Variants in ATG10 observed in about 807,000 individuals in gnomAD.
ATG10 encodes the protein ubiquitin-like-conjugating enzyme ATG10.
In ATG10, 30 loss-of-function variants were observed where a neutral mutation model predicts 32.1. The ratio of observed to expected loss-of-function variants is 0.94; its 90% CI spans 0.70 to 1.27. The LOEUF is 1.27. Among genes scored for constraint, ATG10 ranks in the 50% most tolerant of loss-of-function variants. ATG10 has a pLI of 0.00. For missense variants in ATG10, 233 were observed against 262.3 expected (o/e 0.89, Z 0.77); for synonymous variants, 87 against 91.5 (o/e 0.95, Z 0.28).
At chr5:82,127,590 G>T (rs188335332) in intron 3 of ATG10, among the ~76,000 whole-genome samples, 1 of 152,074 alleles carries the variant, frequency 6.6e-6, no homozygotes, top group Admixed American at 6.6e-5. Flanking sequence ...GCAGTTGTGC[G>T]GTTTTGAGTG....
chr5:82,222,960 C>G (rs1745986421), intron 5 of ATG10, among the ~76,000 whole-genome samples: 1 of 152,190 alleles, frequency 6.6e-6, no homozygotes, highest in South Asian at 2.1e-4. Context: ...TTGGTTTTAA[C>G]AAGGCATTTA....
intron 3 of ATG10, among the ~76,000 whole-genome samples, chr5:82,154,497 A>G (rs1006014025): frequency 2.6e-5 from 4 of 152,220 alleles, no homozygotes; most frequent in African/African-American, 9.7e-5. Context: ...TAACAAGTGA[A>G]GAAACTGAGG....
intron 2 of ATG10, among the ~76,000 whole-genome samples, chr5:81,992,953 T>A (rs1283777231): frequency 1.3e-5 from 2 of 152,200 alleles, no homozygotes; most frequent in Non-Finnish European, 2.9e-5. Flanking sequence ...GAGGGTGGAA[T>A]GCTCTTGACA....
chr5:82,135,524 T>C (rs1231697642), intron 3 of ATG10, among the ~76,000 whole-genome samples: 1 of 152,218 alleles, frequency 6.6e-6, no homozygotes, highest in Non-Finnish European at 1.5e-5. Context: ...ATTTTGCATG[T>C]AGTTGTGTGG....
intron 1 of ATG10, among the ~76,000 whole-genome samples, chr5:81,976,873 A>G (rs1359634324): frequency 2.6e-5 from 4 of 152,036 alleles, no homozygotes; most frequent in Non-Finnish European, 5.9e-5. Flanking sequence ...TTAAATAAAC[A>G]TTTTCTTGTT....
intron 3 of ATG10, among the ~76,000 whole-genome samples, chr5:82,068,576 A>G (rs1206685925): frequency 6.6e-6 from 1 of 151,530 alleles, no homozygotes; most frequent in Non-Finnish European, 1.5e-5. Context: ...TCTGAAAAAA[A>G]AAAAGACACT....
At chr5:82,196,935 G>A (rs998070750) in intron 5 of ATG10, among the ~76,000 whole-genome samples, 7 of 152,290 alleles carry the variant, frequency 4.6e-5, no homozygotes, top group Admixed American at 2.6e-4. Flanking sequence ...GAAAATGTCA[G>A]TTGGAATTTT....
chr5:82,166,481 A>G (rs964984734), intron 4 of ATG10, among the ~76,000 whole-genome samples: 2 of 152,206 alleles, frequency 1.3e-5, no homozygotes, highest in Admixed American at 6.5e-5. Flanking sequence ...TGGTGGAGAA[A>G]CATGAAGAAT....
chr5:82,043,092 A>G (rs1215097744), intron 2 of ATG10, among the ~76,000 whole-genome samples: 2 of 152,234 alleles, frequency 1.3e-5, no homozygotes. Context: ...CCACCCCTGC[A>G]GCAGACTTCT....
rs71605823 is a variant in ATG10, at chr5:82,118,387, C to CATATATATATATATAT, written c.217-46009_217-45994dup. On this transcript the variant is annotated intron_variant, in intron 3 of 7. Coordinates refer to ENST00000282185, the MANE Select transcript of ATG10 (RefSeq NM_031482.5). ...TACAAATATACATATAATATATGTA[C>CATATATATATATATAT]ATATATATATATATATATGTATGTA... is the stretch of plus-strand genomic sequence containing the variant. 2.2e-3 allele frequency among the ~76,000 whole-genome samples: 177 copies of CATATATATATATATAT among 80,706 alleles called. 12 individuals are homozygous for CATATATATATATATAT. Among genetic ancestry groups the CATATATATATATATAT allele is most frequent in the Middle Eastern group, 0.013 (2 of 150 alleles). The allele number at this position is 80,706 out of a possible 152,430, so 52.9% of individuals were successfully genotyped here.
rs1554039310 is a variant in ATG10, at chr5:81,993,336, C to CTTCCTTCTTTCTTTCT, written c.108+5661_108+5662insCTTCTTTCTTTCTTTC. Among the ~76,000 whole-genome samples, 101 of 77,704 alleles carry CTTCCTTCTTTCTTTCT rather than the reference C, an allele frequency of 1.3e-3. 1 individual carries two copies. The highest frequency in any genetic ancestry group is 6.1e-3 in the African/African-American group (95 of 15,638). The allele number at this position is 77,704 out of a possible 152,430, so 51.0% of individuals were successfully genotyped here. On this transcript the variant is annotated intron_variant, in intron 2 of 7. Coordinates refer to ENST00000282185, the MANE Select transcript of ATG10 (RefSeq NM_031482.5). ...CTTTCTTTCTTTCTTTCCTTCCTTC[C>CTTCCTTCTTTCTTTCT]TTCTTTCTTTCTTTCTTTCTTTCCT...
At chr5:82,223,622 A>G (rs1746010972) in intron 5 of ATG10, among the ~76,000 whole-genome samples, 1 of 152,222 alleles carries the variant, frequency 6.6e-6, no homozygotes, top group South Asian at 2.1e-4. Context: ...AATCTATGGC[A>G]TGGTCTTCTT....
At chr5:82,223,368 C>T (rs935711552) in intron 5 of ATG10, among the ~76,000 whole-genome samples, 1 of 152,198 alleles carries the variant, frequency 6.6e-6, no homozygotes, top group Non-Finnish European at 1.5e-5. Flanking sequence ...CTCATAGTCA[C>T]AATGATGAAT....
chr5:82,184,921 T>C (rs765236846), intron 5 of ATG10, among the ~76,000 whole-genome samples: 2 of 152,300 alleles, frequency 1.3e-5, no homozygotes, highest in East Asian at 1.9e-4. Flanking sequence ...AGTCCTTCTA[T>C]GCTCAGAAAA....
intron 3 of ATG10, among the ~76,000 whole-genome samples, chr5:82,079,483 AT>A (rs1388661316): frequency 6.6e-6 from 1 of 151,966 alleles, no homozygotes; most frequent in Non-Finnish European, 1.5e-5. Context: ...CATCATTTAC[AT>A]TAGGTATATC....
intron 3 of ATG10, among the ~76,000 whole-genome samples, chr5:82,125,326 A>G (rs1284192206): frequency 6.6e-6 from 1 of 152,086 alleles, no homozygotes; most frequent in African/African-American, 2.4e-5. Flanking sequence ...TTTTGTTGCC[A>G]TTGCTTTTGG....
At chr5:82,155,417 AG>A (rs1767763635) in intron 3 of ATG10, among the ~76,000 whole-genome samples, 1 of 152,208 alleles carries the variant, frequency 6.6e-6, no homozygotes, top group Non-Finnish European at 1.5e-5. Context: ...TAGGATTTTC[AG>A]GGGTAGGCAA....
chr5:82,204,201 T>G (rs958890291), intron 5 of ATG10, among the ~76,000 whole-genome samples: 4 of 152,164 alleles, frequency 2.6e-5, no homozygotes, highest in African/African-American at 4.8e-5. Context: ...TGTGTAGTGT[T>G]TTATATAACA....
intron 2 of ATG10, among the ~76,000 whole-genome samples, chr5:82,047,600 C>A (rs994479505): frequency 6.6e-6 from 1 of 152,186 alleles, no homozygotes; most frequent in African/African-American, 2.4e-5. Context: ...CAAATTCCCA[C>A]CTGTAACCTT....
Sources: gnomAD v4.1 joint callset for allele counts (sites outside exome capture counted in the v4.1 genomes callset) on GRCh38, gnomAD v4.1.1 for gene constraint, MANE v1.5 for transcripts, NCBI Gene and HGNC (gene_info 2026-07-23, HGNC 2026-07-21) for gene names.